CEP128: variants seen among roughly 807,000 people sequenced by gnomAD.
CEP128 encodes the protein centrosomal protein 128.
Under a neutral mutation model 156.7 loss-of-function variants are expected in CEP128, and 132 were observed. The ratio of observed to expected loss-of-function variants is 0.84; its 90% CI spans 0.73 to 0.97. The LOEUF (loss-of-function observed/expected upper bound fraction) is 0.97. CEP128 is among the 50% of genes least tolerant of loss of function. The pLI, the probability that CEP128 is intolerant of heterozygous loss-of-function variation, is 0.00. For missense variants in CEP128, 1,252 were observed against 1,281.9 expected (o/e 0.98, Z 0.36); for synonymous variants, 469 against 448.9 (o/e 1.04, Z -0.57).
At chr14:80,860,859 T>C (rs1000192679) in intron 9 of CEP128, among the ~76,000 whole-genome samples, 4 of 152,074 alleles carry the variant, frequency 2.6e-5, no homozygotes, top group Non-Finnish European at 5.9e-5. Flanking sequence ...TTAATAAAGA[T>C]TAACGATCTA....
chr14:80,674,928 T>C (rs1428683448), intron 19 of CEP128, among the ~76,000 whole-genome samples: 1 of 152,130 alleles, frequency 6.6e-6, no homozygotes, highest in Admixed American at 6.5e-5. Flanking sequence ...GATAAACTTA[T>C]AGGGATCCTA....
chr14:80,700,877 C>T (rs1017714387), intron 19 of CEP128, among the ~76,000 whole-genome samples: 12 of 152,126 alleles, frequency 7.9e-5, no homozygotes, highest in Non-Finnish European at 1.5e-4. Context: ...GCTTGTTTAA[C>T]TGACCATACA....
chr14:80,818,763 C>A (rs1885002798), intron 13 of CEP128, among the ~76,000 whole-genome samples: 1 of 152,156 alleles, frequency 6.6e-6, no homozygotes, highest in African/African-American at 2.4e-5. Flanking sequence ...AACAAATATA[C>A]CTGAAGAATG....
rs74066058 is a variant in CEP128, at chr14:80,657,970, C to T, written c.2807-77547G>A. ...ACGTAAACCAAGTTTAAATTCAAGGCTCCATTGAATATCTATTCTACCTCG... is the reference window on the plus strand; with the variant it reads ...ACGTAAACCAAGTTTAAATTCAAGGTTCCATTGAATATCTATTCTACCTCG... On this transcript the variant is annotated intron_variant, in intron 19 of 24. Coordinates refer to ENST00000555265, the MANE Select transcript of CEP128 (RefSeq NM_152446.5). 6.3e-3 allele frequency among the ~76,000 whole-genome samples: 956 copies of T among 151,964 alleles called. 14 individuals are homozygous for T. Among genetic ancestry groups the T allele is most frequent in the African/African-American group, 0.02 (828 of 41,378 alleles).
chr14:80,907,417 TGGGA>T (rs1210018290), intron 4 of CEP128, among the ~76,000 whole-genome samples: 1 of 152,068 alleles, frequency 6.6e-6, no homozygotes, highest in Non-Finnish European at 1.5e-5. Context: ...CCCTGCAGTT[TGGGA>T]GGCTGAGGCG....
intron 19 of CEP128, among the ~76,000 whole-genome samples, chr14:80,627,909 T>C (rs1232033026): frequency 6.6e-6 from 1 of 152,124 alleles, no homozygotes; most frequent in African/African-American, 2.4e-5. Context: ...GAGATTGTAT[T>C]CTAATTCCCT....
chr14:80,538,415 GTTCC>G, intron 21 of CEP128, among the ~76,000 whole-genome samples: 1 of 152,268 alleles, frequency 6.6e-6, no homozygotes, highest in South Asian at 2.1e-4. Context: ...CATGGAGAAT[GTTCC>G]TTCCAATTTC....
At chr14:80,914,652 A>G (rs923317184) in intron 3 of CEP128, among the ~76,000 whole-genome samples, 1 of 152,188 alleles carries the variant, frequency 6.6e-6, no homozygotes, top group African/African-American at 2.4e-5. Context: ...CGTATTCAAG[A>G]TTCCCTAGTA....
At chr14:80,612,391 CA>C (rs1267230415) in intron 19 of CEP128, among the ~76,000 whole-genome samples, 1 of 152,128 alleles carries the variant, frequency 6.6e-6, no homozygotes, top group Non-Finnish European at 1.5e-5. Context: ...ATAGTATGAA[CA>C]AATACAATGA....
intron 14 of CEP128, among the ~76,000 whole-genome samples, chr14:80,484,904 C>T (rs928668523): frequency 6.6e-6 from 1 of 152,132 alleles, no homozygotes; most frequent in Non-Finnish European, 1.5e-5. Context: ...TACAACTGCA[C>T]ATTCCTCTAA....
intron 2 of CEP128, among the ~76,000 whole-genome samples, chr14:80,933,717 G>A (rs1034181139): frequency 1.3e-5 from 2 of 152,088 alleles, no homozygotes; most frequent in African/African-American, 2.4e-5. Context: ...CAACAAATAC[G>A]TCAAGTAGGA....
At chr14:80,834,568 G>A (rs1453899471) in intron 12 of CEP128, among the ~76,000 whole-genome samples, 1 of 152,088 alleles carries the variant, frequency 6.6e-6, no homozygotes, top group African/African-American at 2.4e-5. Context: ...CGGTGAAGAA[G>A]TCCATTATCA....
chr14:80,786,565 GAACT>G (rs1437444484), intron 14 of CEP128, among the ~76,000 whole-genome samples: 3 of 152,126 alleles, frequency 2.0e-5, no homozygotes, highest in Non-Finnish European at 4.4e-5. Flanking sequence ...GATAACATGA[GAACT>G]AACAAAAGGA....
At chr14:80,619,268 G>A (rs187190193) in intron 19 of CEP128, among the ~76,000 whole-genome samples, 2 of 152,064 alleles carry the variant, frequency 1.3e-5, no homozygotes, top group East Asian at 3.9e-4. Flanking sequence ...ATGAGCAAGA[G>A]TCTACAAAAA....
chr14:80,839,416 C>G (rs1018655137), intron 10 of CEP128, among the ~76,000 whole-genome samples: 4 of 152,014 alleles, frequency 2.6e-5, no homozygotes, highest in Non-Finnish European at 5.9e-5. Flanking sequence ...CATGAGGGAG[C>G]CTTGTGGTGA....
intron 22 of CEP128, among the ~76,000 whole-genome samples, chr14:80,529,938 A>G (rs985130021): frequency 6.6e-6 from 1 of 152,210 alleles, no homozygotes; most frequent in Non-Finnish European, 1.5e-5. Flanking sequence ...GAACCACATT[A>G]TATCAATGCT....
At chr14:80,643,934 G>C (rs1217629082) in intron 19 of CEP128, among the ~76,000 whole-genome samples, 1 of 152,126 alleles carries the variant, frequency 6.6e-6, no homozygotes, top group Non-Finnish European at 1.5e-5. Flanking sequence ...CGTGAGTCAA[G>C]GATTTGAAGA....
At chr14:80,570,438 T>C (rs1272135323) in intron 20 of CEP128, among the ~76,000 whole-genome samples, 3 of 152,088 alleles carry the variant, frequency 2.0e-5, no homozygotes, top group African/African-American at 7.2e-5. Flanking sequence ...TTTTTAATGT[T>C]CATGAAAACT....
chr14:80,543,100 G>A (rs1350264935), intron 21 of CEP128, among the ~76,000 whole-genome samples: 3 of 152,182 alleles, frequency 2.0e-5, no homozygotes, highest in Admixed American at 6.5e-5. Flanking sequence ...GATCTAAACA[G>A]AAATCCGGCA....
Sources: allele counts gnomAD v4.1 joint callset (sites outside exome capture counted in the v4.1 genomes callset), GRCh38; gene constraint gnomAD v4.1.1; transcripts MANE v1.5; gene names NCBI Gene and HGNC (gene_info 2026-07-23, HGNC 2026-07-21).